Variants in COLEC10 observed in about 807,000 individuals in gnomAD.
COLEC10 encodes collectin subfamily member 10.
In COLEC10, 22 loss-of-function variants were observed where a neutral mutation model predicts 28.4. The observed-to-expected ratio is 0.78, with a 90% CI of 0.55 to 1.11. The LOEUF (loss-of-function observed/expected upper bound fraction) is 1.11. COLEC10 is among the 50% of genes least tolerant of loss of function. The pLI, the probability that COLEC10 is intolerant of heterozygous loss-of-function variation, is 0.00. For synonymous variants in COLEC10, 125 were observed against 116.1 expected, an observed-to-expected ratio of 1.08 and a Z score of -0.49; for missense variants, 361 against 344.1, an observed-to-expected ratio of 1.05 and a Z score of -0.39.
At chr8:119,080,818 C>A (rs1815353080) in intron 1 of COLEC10, among the ~76,000 whole-genome samples, 1 of 152,028 alleles carries the variant, frequency 6.6e-6, no homozygotes, top group Admixed American at 6.6e-5. Context: ...TAATTTATTC[C>A]TTCCTTCTCT....
chr8:118,960,641 CT>C, the COLEC10 span, among the ~76,000 whole-genome samples: 2 of 151,946 alleles, frequency 1.3e-5, no homozygotes, highest in South Asian at 4.2e-4. Flanking sequence ...AAAAATTAGC[CT>C]GGTGTGGTGG....
chr8:119,071,234 T>C (rs924136797), intron 1 of COLEC10, among the ~76,000 whole-genome samples: 3 of 152,244 alleles, frequency 2.0e-5, no homozygotes, highest in African/African-American at 7.2e-5. Context: ...ATCAACTTCA[T>C]TACTTCATTA....
At chr8:119,087,550 A>C (rs113528564) in intron 1 of COLEC10, among the ~76,000 whole-genome samples, 2,263 of 152,306 alleles carry the variant, frequency 0.015, 49 homozygotes, top group African/African-American at 0.051. Context: ...TGTCTCAGTT[A>C]TGCTACCCCA....
At chr8:119,016,184 C>A (rs926428464) in intron 2 of COLEC10, among the ~76,000 whole-genome samples, 1 of 152,082 alleles carries the variant, frequency 6.6e-6, no homozygotes, top group Non-Finnish European at 1.5e-5. Flanking sequence ...CCCTTGCCCC[C>A]AAACCCCTGA....
At chr8:119,063,411 G>A (rs1343957502), upstream of COLEC10, among the ~76,000 whole-genome samples, 2 of 152,154 alleles carry the variant, frequency 1.3e-5, no homozygotes, top group East Asian at 3.9e-4. Flanking sequence ...CAGGCTGTAG[G>A]GGAGAAGCAC....
chr8:119,104,102 C>T (rs189827570), intron 5 of COLEC10, among the ~76,000 whole-genome samples: 1 of 152,088 alleles, frequency 6.6e-6, no homozygotes, highest in African/African-American at 2.4e-5. Flanking sequence ...TATGTATGTG[C>T]ATTGCTTATG....
rs955175702 is a variant in COLEC10, at chr8:119,012,675, ATTTC to A, written n.235+3125_235+3128del. Reference sequence around the variant, plus strand: ...AGATATAGGACTATTCAGATTGTTTATTTCTTCTTGTGTGAGTTTTGGCAGATTG... The same window carrying A: ...AGATATAGGACTATTCAGATTGTTTATTCTTGTGTGAGTTTTGGCAGATTG... On this transcript the variant is annotated intron_variant and non_coding_transcript_variant, in intron 2 of 6. Transcript: ENST00000521788. Among the ~76,000 whole-genome samples, 8 of 150,470 alleles carry A rather than the reference ATTTC, an allele frequency of 5.3e-5. 1 individual carries two copies. The highest frequency in any genetic ancestry group is 2.0e-4 in the African/African-American group (8 of 40,264).
At chr8:119,022,679 G>T (rs1379316869) in intron 2 of COLEC10, among the ~76,000 whole-genome samples, 2 of 151,928 alleles carry the variant, frequency 1.3e-5, no homozygotes, top group African/African-American at 4.8e-5. Flanking sequence ...CACCTGGATT[G>T]TTGCAGGAGC....
At chr8:119,049,748 T>C (rs756344957) in intron 2 of COLEC10, among the ~76,000 whole-genome samples, 2 of 152,168 alleles carry the variant, frequency 1.3e-5, no homozygotes, top group African/African-American at 2.4e-5. Flanking sequence ...TAGGCTACAT[T>C]ATTGGTTCTG....
chr8:119,058,128 C>A (rs568949839), intron 2 of COLEC10, among the ~76,000 whole-genome samples: 6 of 152,132 alleles, frequency 3.9e-5, no homozygotes, highest in South Asian at 2.1e-4. Context: ...ACAAGGACTT[C>A]TCTCCAAAAT....
At chr8:118,969,386 C>T in the COLEC10 span, among the ~76,000 whole-genome samples, 1 of 152,004 alleles carries the variant, frequency 6.6e-6, no homozygotes, top group Non-Finnish European at 1.5e-5. Context: ...TCATCAAATT[C>T]AATCTCCTCA....
At chr8:119,045,056 C>T (rs981015449) in intron 2 of COLEC10, among the ~76,000 whole-genome samples, 5 of 152,026 alleles carry the variant, frequency 3.3e-5, no homozygotes, top group African/African-American at 1.2e-4. Context: ...TTTTCCTTCC[C>T]TTGGAATATG....
chr8:118,956,134 G>C, the COLEC10 span, among the ~76,000 whole-genome samples: 1 of 152,172 alleles, frequency 6.6e-6, no homozygotes, highest in African/African-American at 2.4e-5. Flanking sequence ...GAAAGGGTTA[G>C]AGAGTTCTCT....
the COLEC10 span, among the ~76,000 whole-genome samples, chr8:118,961,576 T>C: frequency 1.3e-5 from 2 of 152,268 alleles, no homozygotes; most frequent in African/African-American, 2.4e-5. Flanking sequence ...TGTTGCACTT[T>C]GTTGATTTCT....
chr8:118,961,430 T>C, the COLEC10 span, among the ~76,000 whole-genome samples: 1 of 152,210 alleles, frequency 6.6e-6, no homozygotes, highest in Non-Finnish European at 1.5e-5. Flanking sequence ...CCTGATGTAT[T>C]TGAAAGCTGT....
At chr8:118,964,851 G>A in the COLEC10 span, among the ~76,000 whole-genome samples, 16 of 152,124 alleles carry the variant, frequency 1.1e-4, no homozygotes, top group East Asian at 3.9e-4. Flanking sequence ...ATACTGTTCC[G>A]TAAGTTTTAG....
intron 2 of COLEC10, among the ~76,000 whole-genome samples, chr8:119,039,303 C>T (rs953601197): frequency 6.6e-6 from 1 of 152,160 alleles, no homozygotes; most frequent in Non-Finnish European, 1.5e-5. Context: ...CTCCAGAAAC[C>T]GTTCCCAGTC....
At chr8:118,997,880 G>A (rs182638114) in intron 1 of COLEC10, among the ~76,000 whole-genome samples, 3 of 152,316 alleles carry the variant, frequency 2.0e-5, no homozygotes, top group Admixed American at 1.3e-4. Context: ...TAAGGGAAAT[G>A]TTTTAGAGAG....
chr8:119,007,556 G>C (rs1352410994), intron 1 of COLEC10, among the ~76,000 whole-genome samples: 2 of 151,156 alleles, frequency 1.3e-5, no homozygotes, highest in African/African-American at 4.9e-5. Flanking sequence ...TTTTGGAAGT[G>C]ATGAATGATT....
Sources: allele counts gnomAD v4.1 joint callset (sites outside exome capture counted in the v4.1 genomes callset), GRCh38; gene constraint gnomAD v4.1.1; transcripts MANE v1.5; gene names NCBI Gene and HGNC (gene_info 2026-07-23, HGNC 2026-07-21).